Variants in CMSS1 observed in about 807,000 individuals in gnomAD.
CMSS1 encodes protein CMSS1.
A neutral mutation model predicts 43.5 loss-of-function variants in CMSS1; 33 were observed. The observed-to-expected ratio is 0.76, with a 90% confidence interval of 0.57 to 1.01. CMSS1 has a LOEUF of 1.01. Among genes scored for constraint, CMSS1 ranks in the 50% least tolerant of loss-of-function variants. CMSS1 has a pLI of 0.00. For synonymous variants in CMSS1, 115 were observed against 117.2 expected (o/e 0.98, Z 0.12); for missense variants, 313 against 326.4 (o/e 0.96, Z 0.32).
At position 99,826,018 on chromosome 3, in the gene CMSS1, C is replaced by T. The variant is rs192873636; in HGVS notation, c.64+7975C>T. Reference sequence around the variant, plus strand: ...GTCTTGATCTCCTGTCCTCATGATCCGCCTGCCTCCGCCTCCCAAAGTGCT... The same window carrying T: ...GTCTTGATCTCCTGTCCTCATGATCTGCCTGCCTCCGCCTCCCAAAGTGCT... On this transcript the variant is annotated intron_variant, in intron 1 of 9. Coordinates refer to ENST00000421999, the MANE Select transcript of CMSS1 (RefSeq NM_032359.4). Among the ~76,000 whole-genome samples the T allele has an allele frequency of 1.7e-3, 263 of 151,984 alleles. 5 individuals are homozygous for T. In the East Asian group the frequency reaches 0.029, roughly 17 times the overall value.
intron 1 of CMSS1, among the ~76,000 whole-genome samples, chr3:99,914,823 C>A (rs1034231411): frequency 1.6e-4 from 24 of 152,162 alleles, no homozygotes; most frequent in Non-Finnish European, 2.9e-4. Context: ...ATGCCCACAA[C>A]AGAGAATTTG....
At chr3:99,905,322 C>T (rs969544868) in intron 1 of CMSS1, among the ~76,000 whole-genome samples, 5 of 152,172 alleles carry the variant, frequency 3.3e-5, no homozygotes, top group Admixed American at 3.3e-4. Flanking sequence ...TGTGCACTTA[C>T]TCCTAGATAT....
At chr3:99,965,327 C>T (rs1242633593) in intron 1 of CMSS1, among the ~76,000 whole-genome samples, 1 of 152,142 alleles carries the variant, frequency 6.6e-6, no homozygotes, top group Non-Finnish European at 1.5e-5. Context: ...AAAGGTTGGC[C>T]TGTGTTCTTA....
At chr3:99,845,280 A>G (rs1162291307) in intron 1 of CMSS1, among the ~76,000 whole-genome samples, 2 of 152,232 alleles carry the variant, frequency 1.3e-5, no homozygotes, top group Admixed American at 6.5e-5. Flanking sequence ...GCTTTTAAAT[A>G]GAAAAAACAT....
intron 2 of CMSS1, among the ~76,000 whole-genome samples, chr3:100,159,153 A>G (rs963675837): frequency 1.4e-4 from 21 of 152,248 alleles, no homozygotes; most frequent in Non-Finnish European, 2.8e-4. Flanking sequence ...TCCACAAGAC[A>G]GTTTAACTTT....
intron 1 of CMSS1, among the ~76,000 whole-genome samples, chr3:100,001,599 G>C (rs538941528): frequency 6.6e-6 from 1 of 152,172 alleles, no homozygotes; most frequent in African/African-American, 2.4e-5. Flanking sequence ...ACAGGGTGGG[G>C]AGGGAGTGGG....
intron 1 of CMSS1, among the ~76,000 whole-genome samples, chr3:99,985,737 T>C (rs1388269904): frequency 1.3e-5 from 2 of 152,076 alleles, no homozygotes; most frequent in Non-Finnish European, 2.9e-5. Context: ...TACAGGCACC[T>C]GCTACCATGC....
chr3:100,024,827 GT>G (rs1004239669), intron 1 of CMSS1, among the ~76,000 whole-genome samples: 3 of 152,088 alleles, frequency 2.0e-5, no homozygotes, highest in African/African-American at 7.2e-5. Context: ...GTCCAGGGTG[GT>G]TACAAGGCTT....
In CMSS1 at chr3:99,817,911, A is replaced by G; in HGVS notation, c.-69A>G. On this transcript the variant is annotated 5_prime_UTR_variant, in exon 1 of 10. Transcript: ENST00000421999. ...TAGCTACGCCGGCCGCCTGGCTTTG[A>G]GACAACGTGATTCTCCGCAGCTGGT... 1 of 1,543,756 alleles carries G rather than the reference A, an allele frequency of 6.5e-7. No homozygotes were observed. Among genetic ancestry groups the G allele is most frequent in the East Asian group, 2.3e-5 (1 of 44,340 alleles).
intron 1 of CMSS1, among the ~76,000 whole-genome samples, chr3:99,932,673 C>T (rs767823748): frequency 5.3e-5 from 8 of 152,046 alleles, no homozygotes; most frequent in African/African-American, 1.9e-4. Context: ...GCGGATTACC[C>T]GAGGTCAGGA....
chr3:100,056,798 A>G (rs2065471694), intron 1 of CMSS1, among the ~76,000 whole-genome samples: 1 of 151,976 alleles, frequency 6.6e-6, no homozygotes, highest in Non-Finnish European at 1.5e-5. Flanking sequence ...AGGTCAGGAG[A>G]TCGAGACCAT....
At chr3:99,931,048 A>G (rs1468304957) in intron 1 of CMSS1, 1 of 1,605,356 alleles carries the variant, frequency 6.2e-7, no homozygotes, top group East Asian at 2.2e-5. Flanking sequence ...GAGGGAAGAA[A>G]ATTTGTAAAG....
chr3:99,823,940 T>TG (rs2107476441), intron 1 of CMSS1, among the ~76,000 whole-genome samples: 1 of 151,130 alleles, frequency 6.6e-6, no homozygotes, highest in African/African-American at 2.4e-5. Context: ...TTTTTTTTTT[T>TG]GAGCTGGAGT....
At chr3:100,041,728 G>C (rs2065207693) in intron 1 of CMSS1, among the ~76,000 whole-genome samples, 1 of 152,188 alleles carries the variant, frequency 6.6e-6, no homozygotes, top group Non-Finnish European at 1.5e-5. Context: ...TGAAATGGAG[G>C]TATTTTATGT....
rs1016712367 is a variant in CMSS1 at position 99,862,540 on chromosome 3, CTG to C, written c.64+44499_64+44500del. Among the ~76,000 whole-genome samples, 8 of 152,270 alleles carry C rather than the reference CTG, an allele frequency of 5.3e-5. No individual in the cohort carries two copies. The East Asian group carries it at 5.8e-4, about 11-fold the overall frequency. ...TTTGTTGTAGGGGCTGTCCTGTACA[CTG>C]TAGGGTGTTTAGCAGCATCCCTGAT... On this transcript the variant is annotated intron_variant, in intron 1 of 9. Coordinates refer to ENST00000421999, the MANE Select transcript of CMSS1 (RefSeq NM_032359.4).
intron 1 of CMSS1, among the ~76,000 whole-genome samples, chr3:100,018,021 A>G (rs537541064): frequency 6.6e-6 from 1 of 152,154 alleles, no homozygotes; most frequent in African/African-American, 2.4e-5. Context: ...AGTTGTGCAC[A>G]GTGACCAATA....
chr3:100,006,351 A>G (rs1407035103), intron 1 of CMSS1, among the ~76,000 whole-genome samples: 2 of 152,116 alleles, frequency 1.3e-5, no homozygotes, highest in African/African-American at 2.4e-5. Flanking sequence ...CATGAGTGGA[A>G]TAGTTAGGTA....
intron 1 of CMSS1, among the ~76,000 whole-genome samples, chr3:100,062,730 C>T (rs79208153): frequency 6.6e-6 from 1 of 152,302 alleles, no homozygotes; most frequent in African/African-American, 2.4e-5. Context: ...GAAATAAACT[C>T]TTTGTCCTGG....
At chr3:100,160,207 C>G (rs1412295409) in intron 2 of CMSS1, among the ~76,000 whole-genome samples, 2 of 152,180 alleles carry the variant, frequency 1.3e-5, no homozygotes, top group African/African-American at 2.4e-5. Context: ...CTCAAAGATT[C>G]TCCAGTCTTA....
Sources: allele counts gnomAD v4.1 joint callset (sites outside exome capture counted in the v4.1 genomes callset), GRCh38; gene constraint gnomAD v4.1.1; transcripts MANE v1.5; gene names NCBI Gene and HGNC (gene_info 2026-07-23, HGNC 2026-07-21).